KLHDC4: variants seen among roughly 807,000 people sequenced by gnomAD.
KLHDC4 encodes kelch domain-containing protein 4.
KLHDC4 carries 90 observed loss-of-function variants against 62.4 expected under a neutral mutation model. The observed-to-expected ratio is 1.44, with a 90% confidence interval of 1.22 to 1.72. KLHDC4 has a LOEUF of 1.72. Among genes scored for constraint, KLHDC4 ranks in the 40% most tolerant of loss-of-function variants. The pLI is 0.00. For synonymous variants in KLHDC4, 386 were observed against 284.4 expected (o/e 1.36, Z -3.59); for missense variants, 1,025 against 699.7 (o/e 1.47, Z -5.25).
At chr16:87,734,809 C>A (rs2040995221) in intron 5 of KLHDC4, among the ~76,000 whole-genome samples, 1 of 152,148 alleles carries the variant, frequency 6.6e-6, no homozygotes, top group African/African-American at 2.4e-5. Flanking sequence ...TCCATCCCCT[C>A]CGGGCTTGGC....
intron 7 of KLHDC4, among the ~76,000 whole-genome samples, chr16:87,721,595 C>A (rs899887582): frequency 1.3e-5 from 2 of 152,164 alleles, no homozygotes; most frequent in South Asian, 4.2e-4. Context: ...CAGGTGAGCA[C>A]GGAGCTCTGG....
downstream of KLHDC4, among the ~76,000 whole-genome samples, chr16:87,706,407 C>T (rs2034727840): frequency 1.6e-5 from 2 of 122,266 alleles, no homozygotes; most frequent in African/African-American, 3.2e-5. Context: ...CGGCACAACA[C>T]AACACAAGCT....
chr16:87,733,841 C>T (rs2040821954), intron 5 of KLHDC4, among the ~76,000 whole-genome samples: 1 of 152,244 alleles, frequency 6.6e-6, no homozygotes, highest in African/African-American at 2.4e-5. Context: ...GTGGCTTTCA[C>T]ACCCACTCTC....
chr16:87,758,134 C>T (rs1662411017), intron 2 of KLHDC4, among the ~76,000 whole-genome samples: 1 of 152,162 alleles, frequency 6.6e-6, no homozygotes, highest in Non-Finnish European at 1.5e-5. Context: ...GATTTATTTG[C>T]ATAGAAACAT....
intron 5 of KLHDC4, among the ~76,000 whole-genome samples, chr16:87,744,548 A>C (rs899745693): frequency 6.6e-6 from 1 of 151,552 alleles, no homozygotes; most frequent in African/African-American, 2.4e-5. Context: ...GTGCTACTGC[A>C]CTCCAGCCTG....
In KLHDC4 at chr16:87,761,983, T is replaced by C; in HGVS notation, c.157A>G (p.Thr53Ala). ...GGTGGGGGGCACGGAAGTTCCACAGTCTGAGTCCTCTTGGCATCGAGTGTC... is the reference window on the plus strand; with the variant it reads ...GGTGGGGGGCACGGAAGTTCCACAGCCTGAGTCCTCTTGGCATCGAGTGTC... Reference protein sequence around the residue: ...FQTLDAKRTQTVELPCPPPSP... With the variant: ...FQTLDAKRTQAVELPCPPPSP... Residue 53 changes from threonine (T) to alanine (A), a missense_variant, in exon 2 of 12, where the codon ACT (threonine) becomes GCT (alanine). Coordinates refer to ENST00000270583, the MANE Select transcript of KLHDC4 (RefSeq NM_017566.4). 3 of 1,614,006 alleles carry C rather than the reference T, an allele frequency of 1.9e-6. No homozygotes were observed. Among genetic ancestry groups the C allele is most frequent in the Non-Finnish European group, 2.5e-6 (3 of 1,179,974 alleles).
intron 5 of KLHDC4, among the ~76,000 whole-genome samples, chr16:87,743,994 G>C (rs2042641472): frequency 6.7e-6 from 1 of 150,192 alleles, no homozygotes; most frequent in African/African-American, 2.5e-5. Flanking sequence ...ATTAGAATTT[G>C]AGGGCCAGGC....
chr16:87,705,770 C>A (rs536948057), downstream of KLHDC4, among the ~76,000 whole-genome samples: 2 of 152,322 alleles, frequency 1.3e-5, no homozygotes, highest in South Asian at 4.1e-4. Flanking sequence ...AGGGCTGGAG[C>A]CGCAGAGCCG....
chr16:87,707,747 G>A (rs1038560330), downstream of KLHDC4: 34 of 306,634 alleles, frequency 1.1e-4, no homozygotes, highest in Middle Eastern at 1.2e-3. Flanking sequence ...GCCCTGGCCC[G>A]GGGCAGAGGC....
intron 2 of KLHDC4, among the ~76,000 whole-genome samples, chr16:87,760,990 G>T (rs1162308889): frequency 6.6e-6 from 1 of 152,026 alleles, no homozygotes; most frequent in African/African-American, 2.4e-5. Flanking sequence ...CCAAGATCAT[G>T]CCACTGTACT....
intron 1 of KLHDC4, among the ~76,000 whole-genome samples, chr16:87,764,895 T>C (rs1460917870): frequency 6.6e-6 from 1 of 151,266 alleles, no homozygotes; most frequent in East Asian, 1.9e-4. Flanking sequence ...AACTCCATTA[T>C]TTAAGAGATG....
intron 10 of KLHDC4, 61 bp downstream of exon 10, chr16:87,709,204 C>A: frequency 6.5e-7 from 1 of 1,549,178 alleles, no homozygotes; most frequent in Non-Finnish European, 8.7e-7. Flanking sequence ...TTTCGAGGGA[C>A]GCGACACACG....
At chr16:87,701,967 G>C (rs1222437216) in exon 1 of KLHDC4, 3 of 456,236 alleles carry the variant, frequency 6.6e-6, no homozygotes, top group Non-Finnish European at 8.8e-6. Context: ...GTCCTTCTTG[G>C]TCATCTTCCT....
chr16:87,757,229 G>GGAGGCC (rs966148266), intron 2 of KLHDC4: 1 of 151,980 alleles, frequency 6.6e-6, no homozygotes. Context: ...CAGCACTTTG[G>GGAGGCC]GAGGCCGAGG....
chr16:87,738,246 C>T (rs559095837), intron 5 of KLHDC4, among the ~76,000 whole-genome samples: 1 of 152,186 alleles, frequency 6.6e-6, no homozygotes, highest in Non-Finnish European at 1.5e-5. Context: ...GCCGAGGAGC[C>T]TTCTCCAGGA....
downstream of KLHDC4, among the ~76,000 whole-genome samples, chr16:87,707,003 A>G (rs78105161): frequency 0.01 from 1,529 of 152,328 alleles, 23 homozygotes; most frequent in African/African-American, 0.034. Flanking sequence ...ACTCCCAGAT[A>G]AGAAATGGGA....
downstream of KLHDC4, among the ~76,000 whole-genome samples, chr16:87,704,554 G>C (rs529142215): frequency 4.0e-4 from 56 of 139,706 alleles, no homozygotes; most frequent in Non-Finnish European, 6.8e-4. Flanking sequence ...TGAACGTCAC[G>C]GGGAAGGAGG....
chr16:87,711,549 G>T, intron 8 of KLHDC4, 106 bp from the exon 9 acceptor site: 1 of 936,496 alleles, frequency 1.1e-6, no homozygotes, highest in Non-Finnish European at 1.6e-6. Context: ...TGGGGTAAAT[G>T]AAAACCGTGA....
At chr16:87,700,970 C>T (rs1430988514) in exon 1 of KLHDC4, 2 of 222,414 alleles carry the variant, frequency 9.0e-6, no homozygotes, top group Non-Finnish European at 1.8e-5. Flanking sequence ...TCAGGTGAGG[C>T]AGTCGGTACG....
Sources: gnomAD v4.1 joint callset for allele counts (sites outside exome capture counted in the v4.1 genomes callset) on GRCh38, gnomAD v4.1.1 for gene constraint, MANE v1.5 for transcripts, NCBI Gene and HGNC (gene_info 2026-07-23, HGNC 2026-07-21) for gene names.